Variants in UNC13A observed in about 807,000 individuals in gnomAD.
The protein encoded by UNC13A is protein unc-13 homolog A.
UNC13A carries 61 observed loss-of-function variants against 219.7 expected under a neutral mutation model. That is an observed-to-expected ratio of 0.28 (90% CI 0.23 to 0.34). The LOEUF (loss-of-function observed/expected upper bound fraction) is 0.34, where lower values mean the gene tolerates loss of function less well. UNC13A is among the 10% of genes least tolerant of loss of function. The pLI, the probability that UNC13A is intolerant of heterozygous loss-of-function variation, is 1.00. For missense variants in UNC13A, 1,476 were observed against 2,270.3 expected, an observed-to-expected ratio of 0.65 and a Z score of 7.11; for synonymous variants, 920 against 884.6, an observed-to-expected ratio of 1.04 and a Z score of -0.71.
chr19:17,638,499 C>T (rs1254846567), intron 25 of UNC13A, among the ~76,000 whole-genome samples: 3 of 151,552 alleles, frequency 2.0e-5, no homozygotes, highest in South Asian at 2.1e-4. Context: ...TTCAACTCAA[C>T]ATTTACTGAA....
rs913091405 is a variant in UNC13A, at chr19:17,624,677, C to T, written c.4197+152G>A. On this transcript the variant is annotated intron_variant, in intron 35 of 43. Transcript: ENST00000519716. ...ATGGCCCCCCACTGACCTCTGGTGG[C>T]TTCCATGACCCTTGAATGGCCCTTG... The T allele has an allele frequency of 6.0e-6, 7 of 1,164,252 alleles. No homozygotes were observed. The African/African-American group carries it at 1.1e-4, about 18-fold the overall frequency. 72.1% of individuals were successfully genotyped at this position (1,164,252 alleles called of 1,614,324 possible).
Position 17,609,100 on chromosome 19 carries a change from G to A in UNC13A, c.4811+840C>T, listed in dbSNP as rs940740002. On this transcript the variant is annotated intron_variant, in intron 43 of 43. Transcript: ENST00000519716. ...AGCATCCCGAGTAGCTGGGATCACA[G>A]GCGTGCGCCACCACACCCGGCTAAT... Among the ~76,000 whole-genome samples, 7 of 149,756 alleles carry A rather than the reference G, an allele frequency of 4.7e-5. 1 individual carries two copies. In the South Asian group the frequency reaches 8.4e-4, roughly 18 times the overall value.
chr19:17,654,243 T>C (rs376003789), intron 11 of UNC13A, among the ~76,000 whole-genome samples: 1 of 152,202 alleles, frequency 6.6e-6, no homozygotes, highest in Non-Finnish European at 1.5e-5. Context: ...CTTGTCATAT[T>C]ACTAGTTCCA....
At chr19:17,664,310 T>G (rs1401976492) in intron 7 of UNC13A, among the ~76,000 whole-genome samples, 3 of 152,152 alleles carry the variant, frequency 2.0e-5, no homozygotes, top group African/African-American at 7.2e-5. Context: ...ATTCTACTCA[T>G]TTTATGGGTG....
rs1221787345 is a variant in UNC13A, at chr19:17,624,686, C to A, written c.4197+143G>T. Reference sequence around the variant, plus strand: ...CACTGACCTCTGGTGGCTTCCATGACCCTTGAATGGCCCTTGAGCCTGGAT... The same window carrying A: ...CACTGACCTCTGGTGGCTTCCATGAACCTTGAATGGCCCTTGAGCCTGGAT... On this transcript the variant is annotated intron_variant, in intron 35 of 43. Coordinates refer to ENST00000519716, the MANE Select transcript of UNC13A (RefSeq NM_001080421.3). The A allele has an allele frequency of 5.6e-6, 7 of 1,254,686 alleles. No individual in the cohort carries two copies. In the East Asian group the frequency reaches 1.8e-4, roughly 32 times the overall value. The allele number at this position is 1,254,686 out of a possible 1,614,324, so 77.7% of individuals were successfully genotyped here. A position where few individuals can be genotyped will look rare whatever the true frequency, so the allele number is the denominator to read the frequency against.
At chr19:17,630,374 A>G in intron 29 of UNC13A, 86 bp from the exon 30 acceptor site, 1 of 1,517,618 alleles carries the variant, frequency 6.6e-7, no homozygotes, top group Non-Finnish European at 8.8e-7. Context: ...CCACGGGGAG[A>G]GCCAGAGACC....
intron 26 of UNC13A, among the ~76,000 whole-genome samples, chr19:17,635,645 A>C (rs1168481924): frequency 6.6e-6 from 1 of 152,222 alleles, no homozygotes; most frequent in Non-Finnish European, 1.5e-5. Flanking sequence ...TTACATCCAT[A>C]CATATAAGAT....
chr19:17,686,088 C>T lies in UNC13A; in HGVS notation c.22+2090G>A, dbSNP rs965491836. Among the ~76,000 whole-genome samples, 11 of 151,846 alleles carry T rather than the reference C, an allele frequency of 7.2e-5. No individual in the cohort carries two copies. The South Asian group carries it at 1.5e-3, about 20-fold the overall frequency. ...CACCTGAGGGCCTTACCTCCCACCC[C>T]TGTCAACCTCTTCCCCAGCCTTGCC... On this transcript the variant is annotated intron_variant, in intron 1 of 43. Coordinates refer to ENST00000519716, the MANE Select transcript of UNC13A (RefSeq NM_001080421.3).
chr19:17,629,265 T>C lies in UNC13A; in HGVS notation c.3728A>G (p.Tyr1243Cys). Reference sequence around the variant, plus strand: ...CACTTTCTCCTTCTCCTTGGAGCAGTAGGAGGCAAAGTCCTTGGAGATGAT... The same window carrying C: ...CACTTTCTCCTTCTCCTTGGAGCAGCAGGAGGCAAAGTCCTTGGAGATGAT... Reference protein sequence around the residue: ...ADIISKDFASYCSKEKEKVPC... With the variant: ...ADIISKDFASCCSKEKEKVPC... Residue 1243 changes from tyrosine to cysteine, a missense_variant, in exon 31 of 44, where the codon TAC becomes TGC. By Grantham distance (194) the Tyr-to-Cys change is radical (BLOSUM62 -2). This residue lies in a region of UNC13A where 218 missense variants were observed against 409.4 expected (regional missense o/e 0.53). Transcript: ENST00000519716. 1.9e-6 allele frequency: 3 copies of C among 1,611,886 alleles called. No homozygotes were observed. The highest frequency in any genetic ancestry group is 2.5e-6 in the Non-Finnish European group (3 of 1,179,198).
intron 12 of UNC13A, among the ~76,000 whole-genome samples, chr19:17,650,884 A>G (rs2079331824): frequency 6.6e-6 from 1 of 150,560 alleles, no homozygotes; most frequent in Non-Finnish European, 1.5e-5. Context: ...CTCCCACCTT[A>G]GCCTCCTGAG....
In UNC13A at chr19:17,652,660, CTCTCCT is replaced by C. The variant is rs753075228; in HGVS notation, c.1404_1409del (p.Gly469_Glu470del). The C allele has an allele frequency of 8.1e-6, 13 of 1,613,642 alleles. No homozygotes were observed. Among genetic ancestry groups the C allele is most frequent in the Non-Finnish European group, 1.1e-5 (13 of 1,179,754 alleles). On this transcript the variant is annotated inframe_deletion, in exon 12 of 44. Coordinates refer to ENST00000519716, the MANE Select transcript of UNC13A (RefSeq NM_001080421.3). ...CTTTGAACCATAGGGATTTAGACATCTCTCCTTCTCCCCGGGCCTGCAGGACAGACA... is the reference window on the plus strand; with the variant it reads ...CTTTGAACCATAGGGATTTAGACATCTCTCCCCGGGCCTGCAGGACAGACA...
chr19:17,665,764 A>G (rs745997615), intron 7 of UNC13A, among the ~76,000 whole-genome samples: 16 of 152,298 alleles, frequency 1.1e-4, no homozygotes, highest in Middle Eastern at 3.4e-3. Context: ...TGCTGGCCCC[A>G]TGAATAGTTT....
chr19:17,636,958 C>T (rs899363856), intron 25 of UNC13A, among the ~76,000 whole-genome samples: 2 of 151,898 alleles, frequency 1.3e-5, no homozygotes, highest in Non-Finnish European at 2.9e-5. Flanking sequence ...AATCAACCAA[C>T]TTGTTCTTCT....
At chr19:17,610,298 T>C (rs2076588397) in intron 42 of UNC13A, among the ~76,000 whole-genome samples, 199 bp from the exon 43 acceptor site, 1 of 152,020 alleles carries the variant, frequency 6.6e-6, no homozygotes, top group African/African-American at 2.4e-5. Flanking sequence ...AAACCCTGTC[T>C]CTACGAAAAA....
intron 19 of UNC13A, among the ~76,000 whole-genome samples, chr19:17,644,338 A>C (rs1699845860): frequency 1.3e-5 from 2 of 148,596 alleles, no homozygotes; most frequent in South Asian, 4.3e-4. Flanking sequence ...ACAGGCACGC[A>C]TCACCACACC....
Position 17,656,229 on chromosome 19 carries a change from CTT to C in UNC13A, c.935_936del (p.Lys312ArgfsTer9). The C allele has an allele frequency of 6.4e-7, 1 of 1,552,232 alleles. No individual in the cohort carries two copies. Among genetic ancestry groups the C allele is most frequent in the Non-Finnish European group, 8.7e-7 (1 of 1,147,134 alleles). ...HSCHSSVSYH[K>X]DSPRWDQDEE... ...TCATCCTGGTCCCAGCGAGGCGAGTCTTTGTGGTAGCTGACCGAGCTGTGGCA... is the reference window on the plus strand; with the variant it reads ...TCATCCTGGTCCCAGCGAGGCGAGTCTGTGGTAGCTGACCGAGCTGTGGCA... On this transcript the variant is annotated frameshift_variant, in exon 10 of 44. Coordinates refer to ENST00000519716, the MANE Select transcript of UNC13A (RefSeq NM_001080421.3). LOFTEE classifies it high-confidence loss of function.
chr19:17,624,656 C>T (rs957319988), intron 35 of UNC13A, among the ~76,000 whole-genome samples, 173 bp downstream of exon 35: 2 of 152,068 alleles, frequency 1.3e-5, no homozygotes, highest in Admixed American at 6.5e-5. Flanking sequence ...CTCTGAATGG[C>T]CCCCCACTGA....
In UNC13A at chr19:17,666,714, T is replaced by A; in HGVS notation, c.469-10A>T. 1 of 1,513,650 alleles carries A rather than the reference T, an allele frequency of 6.6e-7. No individual in the cohort carries two copies. Among genetic ancestry groups the A allele is most frequent in the Non-Finnish European group, 8.9e-7 (1 of 1,128,296 alleles). The allele number at this position is 1,513,650 out of a possible 1,614,324, so 93.8% of individuals were successfully genotyped here. A position where few individuals can be genotyped will look rare whatever the true frequency, so the allele number is the denominator to read the frequency against. Reference sequence around the variant, plus strand: ...CATCTTGGAACGAATACTGAAGGGGTGGAGGAAGGAGAAAGGGCTTCTCTC... The same window carrying A: ...CATCTTGGAACGAATACTGAAGGGGAGGAGGAAGGAGAAAGGGCTTCTCTC... On this transcript the variant is annotated splice_polypyrimidine_tract_variant and intron_variant, in intron 6 of 43. Transcript: ENST00000519716.
At chr19:17,675,900 A>T (rs2079888640) in intron 2 of UNC13A, 112 bp downstream of exon 2, 2 of 1,365,274 alleles carry the variant, frequency 1.5e-6, no homozygotes, top group Middle Eastern at 2.5e-4. Context: ...CCTGATGCTC[A>T]GAAGACATAA....
Sources: gnomAD v4.1 joint callset for allele counts (sites outside exome capture counted in the v4.1 genomes callset) on GRCh38, gnomAD v4.1.1 for gene constraint, gnomAD v4.1.1 regional missense constraint, MANE v1.5 for transcripts, NCBI Gene and HGNC (gene_info 2026-07-23, HGNC 2026-07-21) for gene names.